Variants in AMOTL1 observed in about 807,000 individuals in gnomAD.
The protein encoded by AMOTL1 is angiomotin like 1.
A neutral mutation model predicts 102.9 loss-of-function variants in AMOTL1; 45 were observed. The observed-to-expected ratio is 0.44, with a 90% CI of 0.34 to 0.56. AMOTL1 has a LOEUF of 0.56. AMOTL1 is among the 20% of genes least tolerant of loss of function. AMOTL1 has a pLI of 0.01. For synonymous variants in AMOTL1, 481 were observed against 484.7 expected, an observed-to-expected ratio of 0.99 and a Z score of 0.10; for missense variants, 1,114 against 1,225.6, an observed-to-expected ratio of 0.91 and a Z score of 1.36.
intron 2 of AMOTL1, among the ~76,000 whole-genome samples, chr11:94,795,536 TA>T (rs1951351635): frequency 6.6e-6 from 1 of 152,226 alleles, no homozygotes; most frequent in Admixed American, 6.5e-5. Flanking sequence ...ATTTAGAAGT[TA>T]AAAGAAGTAA....
Position 94,799,829 on chromosome 11 carries a change from G to C in AMOTL1, c.639G>C (p.Ala213=). Reference sequence around the variant, plus strand: ...AGCAGCAGCAACAGCAGCAGGGGGCGGTGGGCCATGGTTACTACATGGCAG... The same window carrying C: ...AGCAGCAGCAACAGCAGCAGGGGGCCGTGGGCCATGGTTACTACATGGCAG... ...GQQQQQQQQG[A]VGHGYYMAGG... The change falls in exon 3 of 13, where the codon GCG becomes GCC. Residue 213 remains alanine (A), a synonymous_variant. Transcript: ENST00000433060. This position sits in a 1 kb window ranked among gnomAD's most constrained non-coding sequence, Gnocchi z 4.5. 1 of 1,592,808 alleles carries C rather than the reference G, an allele frequency of 6.3e-7. No individual in the cohort carries two copies. The highest frequency in any genetic ancestry group is 8.6e-7 in the Non-Finnish European group (1 of 1,169,218).
intron 3 of AMOTL1, among the ~76,000 whole-genome samples, chr11:94,815,237 T>A (rs951636025): frequency 6.6e-6 from 1 of 152,190 alleles, no homozygotes; most frequent in African/African-American, 2.4e-5. Context: ...TATAAAGTTA[T>A]AAATGTAGCA....
chr11:94,777,234 G>C (rs1203053373), intron 1 of AMOTL1, among the ~76,000 whole-genome samples: 1 of 152,150 alleles, frequency 6.6e-6, no homozygotes, highest in African/African-American at 2.4e-5. Context: ...AAACTAGTAG[G>C]TTTGTTAAAG....
chr11:94,829,227 T>A (rs2135656001), intron 4 of AMOTL1, among the ~76,000 whole-genome samples: 1 of 151,848 alleles, frequency 6.6e-6, no homozygotes, highest in Non-Finnish European at 1.5e-5. Flanking sequence ...AATCCTTTTT[T>A]TTTTTTTTTT....
intron 1 of AMOTL1, among the ~76,000 whole-genome samples, chr11:94,728,158 T>C (rs1950289877): frequency 6.6e-6 from 1 of 152,208 alleles, no homozygotes; most frequent in Non-Finnish European, 1.5e-5. Context: ...GAGAACCTGC[T>C]ACATGCAGAG....
intron 4 of AMOTL1, among the ~76,000 whole-genome samples, 159 bp downstream of exon 4, chr11:94,821,980 T>C (rs771241835): frequency 2.0e-5 from 3 of 152,186 alleles, no homozygotes; most frequent in Non-Finnish European, 4.4e-5. Context: ...ACCCAGTTCC[T>C]GCCTTGGAGG....
intron 4 of AMOTL1, among the ~76,000 whole-genome samples, chr11:94,827,940 G>A (rs2135651247): frequency 6.6e-6 from 1 of 152,094 alleles, no homozygotes; most frequent in Non-Finnish European, 1.5e-5. Flanking sequence ...TGCTTTTTTG[G>A]CCTTCTAATC....
At chr11:94,867,187 A>G (rs1952901652) in intron 11 of AMOTL1, among the ~76,000 whole-genome samples, 2 of 152,130 alleles carry the variant, frequency 1.3e-5, no homozygotes, top group African/African-American at 4.8e-5. Flanking sequence ...GGGGGGATCA[A>G]AGGCTCCCAA....
chr11:94,789,663 A>G (rs548822048), intron 1 of AMOTL1, among the ~76,000 whole-genome samples: 2 of 152,246 alleles, frequency 1.3e-5, no homozygotes, highest in South Asian at 2.1e-4. Flanking sequence ...TTTCCAGGGT[A>G]TCCTTCTCCT....
intron 2 of AMOTL1, among the ~76,000 whole-genome samples, chr11:94,732,626 G>A (rs571232680): frequency 9.2e-5 from 14 of 152,266 alleles, no homozygotes; most frequent in East Asian, 3.9e-4. Context: ...TGGGCTGTTC[G>A]GCCACCAGCC....
At chr11:94,845,368 C>G (rs1952388217) in intron 6 of AMOTL1, among the ~76,000 whole-genome samples, 2 of 152,216 alleles carry the variant, frequency 1.3e-5, no homozygotes. Context: ...ACAAATGGGA[C>G]CACCATTCGA....
Position 94,850,258 on chromosome 11 carries a change from A to G in AMOTL1, c.1793A>G (p.Glu598Gly), listed in dbSNP as rs767213424. The G allele has an allele frequency of 6.3e-7, 1 of 1,592,186 alleles. No individual in the cohort carries two copies. Among genetic ancestry groups the G allele is most frequent in the South Asian group, 1.2e-5 (1 of 86,920 alleles). ...GCCAGGGTCATCAAGCTGGAAGAGG[A>G]GGTGAGACCAGGCTGTGGGGATTTG... ...AQARVIKLEEELREKQAYVEK... is the reference protein window; with the variant it reads ...AQARVIKLEEGLREKQAYVEK... The change falls in exon 7 of 13, where the codon GAG (glutamate) becomes GGG (glycine). Residue 598 changes from glutamate (E) to glycine (G), a missense_variant and splice_region_variant. Glu to Gly is a moderately conservative substitution (Grantham distance 98, BLOSUM62 -2). Coordinates refer to ENST00000433060, the MANE Select transcript of AMOTL1 (RefSeq NM_130847.3).
intron 3 of AMOTL1, among the ~76,000 whole-genome samples, chr11:94,745,698 A>T (rs137870705): frequency 5.0e-4 from 76 of 152,350 alleles, no homozygotes; most frequent in Middle Eastern, 3.4e-3. Context: ...TAAATGGTGT[A>T]TGTAAAGTCC....
At chr11:94,852,990 A>G (rs1231032189) in intron 7 of AMOTL1, among the ~76,000 whole-genome samples, 1 of 152,184 alleles carries the variant, frequency 6.6e-6, no homozygotes, top group African/African-American at 2.4e-5. Context: ...AATGCTAAGT[A>G]TTTCATTCCT....
rs1353560927 is a variant in AMOTL1, at chr11:94,853,931, A to T, written c.1795-2A>T. 1 of 1,607,682 alleles carries T rather than the reference A, an allele frequency of 6.2e-7. No individual in the cohort carries two copies. The highest frequency in any genetic ancestry group is 2.2e-5 in the East Asian group (1 of 44,718). On this transcript the variant is annotated splice_acceptor_variant, in intron 7 of 12. Coordinates refer to ENST00000433060, the MANE Select transcript of AMOTL1 (RefSeq NM_130847.3). LOFTEE classifies it high-confidence loss of function. ...TGCTCTTTTTTACTCTTCTCCACTC[A>T]GTTACGAGAGAAGCAAGCATATGTT...
intron 3 of AMOTL1, among the ~76,000 whole-genome samples, chr11:94,813,151 T>G (rs758794137): frequency 1.4e-4 from 21 of 152,244 alleles, no homozygotes; most frequent in Non-Finnish European, 2.5e-4. Flanking sequence ...GTATTTCTCA[T>G]AGCCAGGTTT....
intron 1 of AMOTL1, among the ~76,000 whole-genome samples, chr11:94,718,052 A>G (rs369168902): frequency 5.3e-5 from 8 of 152,134 alleles, no homozygotes; most frequent in African/African-American, 1.9e-4. Context: ...GTTTCCTTCT[A>G]TGCTTCATAC....
chr11:94,869,532 G>C (rs963858691), intron 12 of AMOTL1, 59 bp downstream of exon 12: 7 of 1,499,388 alleles, frequency 4.7e-6, no homozygotes, highest in Non-Finnish European at 6.2e-6. Context: ...TGGCCTAAGA[G>C]AATCTTTTGT....
intron 2 of AMOTL1, among the ~76,000 whole-genome samples, chr11:94,731,217 T>A (rs376967603): frequency 6.6e-6 from 1 of 152,192 alleles, no homozygotes; most frequent in Non-Finnish European, 1.5e-5. Context: ...ACAGATACCA[T>A]AATATCTGGT....
Sources: allele counts gnomAD v4.1 joint callset (sites outside exome capture counted in the v4.1 genomes callset), GRCh38; gene constraint gnomAD v4.1.1; non-coding constraint Gnocchi (gnomAD v3.1); transcripts MANE v1.5; gene names NCBI Gene and HGNC (gene_info 2026-07-23, HGNC 2026-07-21).